ATAD2B: variants seen among roughly 807,000 people sequenced by gnomAD.
The protein encoded by ATAD2B is ATPase family AAA domain-containing protein 2B.
ATAD2B carries 40 observed loss-of-function variants against 167.6 expected under a neutral mutation model. The ratio of observed to expected loss-of-function variants is 0.24; its 90% CI spans 0.19 to 0.31. The LOEUF is 0.31. Among genes scored for constraint, ATAD2B ranks in the 10% least tolerant of loss-of-function variants. ATAD2B has a pLI of 1.00. For missense variants in ATAD2B, 1,242 were observed against 1,757.2 expected (o/e 0.71, Z 5.24); for synonymous variants, 579 against 596.5 (o/e 0.97, Z 0.43).
chr2:23,913,262 T>C (rs1045228042), intron 1 of ATAD2B, among the ~76,000 whole-genome samples: 1 of 152,214 alleles, frequency 6.6e-6, no homozygotes, highest in African/African-American at 2.4e-5. Flanking sequence ...AGATGTTCCA[T>C]GCTGTTAGAC....
At chr2:23,917,606 T>C (rs1358695280) in intron 1 of ATAD2B, among the ~76,000 whole-genome samples, 2 of 152,052 alleles carry the variant, frequency 1.3e-5, no homozygotes, top group African/African-American at 4.8e-5. Context: ...ACCGGGATTT[T>C]TTTTTTTTTC....
the ATAD2B span, among the ~76,000 whole-genome samples, chr2:23,742,104 T>G: frequency 6.6e-6 from 1 of 152,174 alleles, no homozygotes; most frequent in East Asian, 1.9e-4. Flanking sequence ...ACACTGTTGG[T>G]GGGACTGTAA....
At chr2:23,894,214 G>C (rs867829770) in intron 2 of ATAD2B, among the ~76,000 whole-genome samples, 1 of 151,968 alleles carries the variant, frequency 6.6e-6, no homozygotes, top group East Asian at 1.9e-4. Flanking sequence ...AGGCACGGTG[G>C]CTCGTGCCTG....
At chr2:23,744,449 C>G (rs1038683979), downstream of ATAD2B, among the ~76,000 whole-genome samples, 1 of 151,996 alleles carries the variant, frequency 6.6e-6, no homozygotes, top group Non-Finnish European at 1.5e-5. Context: ...TTTTTAAACC[C>G]ACAAAACAAT....
intron 17 of ATAD2B, chr2:23,811,178 G>T (rs1685533735): frequency 6.6e-6 from 1 of 152,200 alleles, no homozygotes; most frequent in Admixed American, 6.5e-5. Context: ...AAGGTTAAAT[G>T]TTAGGAATCT....
the ATAD2B span, among the ~76,000 whole-genome samples, chr2:23,733,588 T>TGCA: frequency 2.6e-5 from 4 of 152,244 alleles, no homozygotes; most frequent in Non-Finnish European, 5.9e-5. Flanking sequence ...AAATGTGTGC[T>TGCA]GCACCTGGAT....
At chr2:23,804,674 GA>G (rs556263378) in intron 18 of ATAD2B, among the ~76,000 whole-genome samples, 204 of 126,126 alleles carry the variant, frequency 1.6e-3, no homozygotes, top group Middle Eastern at 4.3e-3. Flanking sequence ...AAAAAATCAG[GA>G]AAAAAAAAAA....
chr2:23,870,099 C>T (rs532326701), intron 8 of ATAD2B, among the ~76,000 whole-genome samples: 1 of 144,384 alleles, frequency 6.9e-6, no homozygotes, highest in Admixed American at 6.9e-5. Context: ...CCCAGCTACT[C>T]GGGAGGCTGA....
intron 1 of ATAD2B, among the ~76,000 whole-genome samples, chr2:23,902,718 T>C (rs1249497903): frequency 6.6e-6 from 1 of 152,146 alleles, no homozygotes; most frequent in Non-Finnish European, 1.5e-5. Flanking sequence ...TAACATTTAC[T>C]GATGACCTAC....
chr2:23,888,229 T>C, intron 3 of ATAD2B, 121 bp downstream of exon 3: 1 of 763,178 alleles, frequency 1.3e-6, no homozygotes. Context: ...TGACTGAAAT[T>C]CAGCCATTTC....
intron 13 of ATAD2B, among the ~76,000 whole-genome samples, chr2:23,852,781 C>T (rs550302510): frequency 2.0e-5 from 3 of 151,870 alleles, no homozygotes; most frequent in African/African-American, 4.8e-5. Flanking sequence ...TAGCCAGGCA[C>T]GGTGGCAGAC....
chr2:23,742,896 T>G, the ATAD2B span, among the ~76,000 whole-genome samples: 9 of 152,084 alleles, frequency 5.9e-5, no homozygotes, highest in African/African-American at 2.2e-4. Flanking sequence ...TAAAAGGACA[T>G]GATTTTCCAG....
chr2:23,903,633 G>A (rs958255959), intron 1 of ATAD2B, among the ~76,000 whole-genome samples: 4 of 152,158 alleles, frequency 2.6e-5, no homozygotes, highest in Admixed American at 2.0e-4. Flanking sequence ...ATGAATAGAT[G>A]CTGCTCTGGT....
chr2:23,754,429 A>G, intron 26 of ATAD2B, 122 bp from the exon 27 acceptor site: 3 of 1,211,970 alleles, frequency 2.5e-6, no homozygotes, highest in Non-Finnish European at 2.3e-6. Flanking sequence ...ACATGAAATT[A>G]AAAGATTTGA....
chr2:23,912,014 G>C (rs1702390340), intron 1 of ATAD2B, among the ~76,000 whole-genome samples: 1 of 148,600 alleles, frequency 6.7e-6, no homozygotes, highest in East Asian at 2.0e-4. Context: ...GCACAAATTT[G>C]ACTTAGTGAA....
rs201573948 is a variant in ATAD2B at position 23,893,731 on chromosome 2, G to A, written c.368+2088C>T. On this transcript the variant is annotated intron_variant, in intron 2 of 27. Transcript: ENST00000238789. ...GCCACCCGGGATGGAGTGCGATGGCGTGATCACAGCTCACTGTAGCCTCAA... is the reference window on the plus strand; with the variant it reads ...GCCACCCGGGATGGAGTGCGATGGCATGATCACAGCTCACTGTAGCCTCAA... Among the ~76,000 whole-genome samples the A allele has an allele frequency of 7.4e-5, 11 of 148,970 alleles. No individual in the cohort carries two copies. In the East Asian group the frequency reaches 1.8e-3, roughly 24 times the overall value.
chr2:23,696,760 C>G, the ATAD2B span: 236,237 of 422,814 alleles, frequency 0.56, 67,651 homozygotes, highest in East Asian at 0.81. This position sits in a 1 kb window ranked among gnomAD's most constrained non-coding sequence, Gnocchi z 5.5. Flanking sequence ...CGCTTCTGTC[C>G]CGACAACCCA....
At chr2:23,897,004 C>T (rs146443531) in intron 1 of ATAD2B, among the ~76,000 whole-genome samples, 53 of 152,188 alleles carry the variant, frequency 3.5e-4, no homozygotes, top group African/African-American at 1.2e-3. Context: ...GTGGTACATG[C>T]CTATAATCCC....
chr2:23,765,326 T>C (rs1316346107), intron 23 of ATAD2B, among the ~76,000 whole-genome samples, 180 bp downstream of exon 23: 1 of 152,222 alleles, frequency 6.6e-6, no homozygotes, highest in Non-Finnish European at 1.5e-5. Flanking sequence ...ACTTTCACAG[T>C]AGGTAAAGTT....
Sources: gnomAD v4.1 joint callset for allele counts (sites outside exome capture counted in the v4.1 genomes callset) on GRCh38, gnomAD v4.1.1 for gene constraint, Gnocchi (gnomAD v3.1) non-coding constraint, MANE v1.5 for transcripts, NCBI Gene and HGNC (gene_info 2026-07-23, HGNC 2026-07-21) for gene names.